Variants in ROBO1 observed in about 807,000 individuals in gnomAD.
The protein encoded by ROBO1 is roundabout guidance receptor 1, also known as roundabout homolog 1.
In ROBO1, 149 loss-of-function variants were observed where a neutral mutation model predicts 195.9. The observed-to-expected ratio is 0.76, with a 90% CI of 0.67 to 0.87. ROBO1 has a LOEUF of 0.87. Among genes scored for constraint, ROBO1 ranks in the 40% least tolerant of loss-of-function variants. The probability of loss-of-function intolerance (pLI) is 0.00; values close to 1 mark genes in which losing one functional copy is unlikely to be tolerated. For missense variants in ROBO1, 1,933 were observed against 2,068.3 expected (o/e 0.93, Z 1.27); for synonymous variants, 816 against 733.2 (o/e 1.11, Z -1.82).
At chr3:78,788,364 C>T (rs1162535722) in intron 4 of ROBO1, among the ~76,000 whole-genome samples, 5 of 149,290 alleles carry the variant, frequency 3.3e-5, no homozygotes, top group East Asian at 2.0e-4. Flanking sequence ...GTGATCCACC[C>T]GCCTCGGCCT....
intron 1 of ROBO1, among the ~76,000 whole-genome samples, chr3:79,667,445 A>G (rs1265505701): frequency 6.6e-6 from 1 of 151,750 alleles, no homozygotes; most frequent in African/African-American, 2.4e-5. Flanking sequence ...GGTCTTTGTG[A>G]TATTGTGTAA....
At chr3:78,770,265 T>C (rs2083338696) in intron 4 of ROBO1, among the ~76,000 whole-genome samples, 1 of 152,198 alleles carries the variant, frequency 6.6e-6, no homozygotes, top group South Asian at 2.1e-4. Flanking sequence ...GTATTTCCTA[T>C]TCTCTGCAAT....
intron 4 of ROBO1, among the ~76,000 whole-genome samples, chr3:78,866,153 T>C (rs192537506): frequency 1.3e-5 from 2 of 152,334 alleles, no homozygotes; most frequent in East Asian, 3.9e-4. Context: ...TGTATACTTG[T>C]AATTGTCAGT....
intron 18 of ROBO1, among the ~76,000 whole-genome samples, chr3:78,652,871 C>T (rs1295230221): frequency 6.6e-6 from 1 of 151,430 alleles, no homozygotes; most frequent in African/African-American, 2.4e-5. Flanking sequence ...AAGGGGCCTG[C>T]AAAGTTGCTG....
intron 1 of ROBO1, among the ~76,000 whole-genome samples, chr3:79,630,971 G>A (rs1336614688): frequency 6.6e-6 from 1 of 151,658 alleles, no homozygotes; most frequent in Non-Finnish European, 1.5e-5. Flanking sequence ...GAAAGACATT[G>A]GGATGACAAA....
chr3:79,613,703 C>T (rs538059608), intron 1 of ROBO1, among the ~76,000 whole-genome samples: 2 of 152,116 alleles, frequency 1.3e-5, no homozygotes, highest in African/African-American at 4.8e-5. Flanking sequence ...ATATGAAAGT[C>T]CCAGAGAGGG....
intron 4 of ROBO1, among the ~76,000 whole-genome samples, chr3:78,822,689 C>A (rs1011672007): frequency 2.0e-5 from 3 of 151,416 alleles, no homozygotes; most frequent in African/African-American, 7.4e-5. Flanking sequence ...ATTATTTCTG[C>A]CTTCCTCATT....
intron 5 of ROBO1, among the ~76,000 whole-genome samples, chr3:78,738,945 A>AT (rs1424588503): frequency 6.6e-6 from 1 of 152,130 alleles, no homozygotes; most frequent in African/African-American, 2.4e-5. Context: ...CATCTAAATT[A>AT]TTTTTTCAAT....
At chr3:79,106,554 G>C (rs2079784517) in intron 3 of ROBO1, among the ~76,000 whole-genome samples, 1 of 151,536 alleles carries the variant, frequency 6.6e-6, no homozygotes, top group Non-Finnish European at 1.5e-5. Context: ...ACAATTGACT[G>C]TGCTTAGTGC....
At chr3:79,592,261 T>C (rs894743501) in intron 1 of ROBO1, among the ~76,000 whole-genome samples, 1 of 151,918 alleles carries the variant, frequency 6.6e-6, no homozygotes, top group Non-Finnish European at 1.5e-5. Flanking sequence ...AACCTGAAAG[T>C]AGAAACACTT....
At chr3:79,046,531 C>T (rs554300558) in intron 3 of ROBO1, among the ~76,000 whole-genome samples, 1 of 152,214 alleles carries the variant, frequency 6.6e-6, no homozygotes, top group East Asian at 1.9e-4. Context: ...AATAGGCTGT[C>T]TGCAAGCTGA....
intron 2 of ROBO1, among the ~76,000 whole-genome samples, chr3:79,317,532 AT>A (rs942726382): frequency 8.5e-5 from 13 of 152,284 alleles, no homozygotes; most frequent in Admixed American, 1.3e-4. Flanking sequence ...ATGAAAAAAA[AT>A]ATTTTTTATT....
At chr3:79,522,274 A>G in intron 2 of ROBO1, among the ~76,000 whole-genome samples, 1 of 149,736 alleles carries the variant, frequency 6.7e-6, no homozygotes, top group Non-Finnish European at 1.5e-5. Context: ...ATAGTCCCCT[A>G]TTATTATCTA....
At chr3:79,072,788 T>C (rs910509952) in intron 3 of ROBO1, among the ~76,000 whole-genome samples, 1 of 152,016 alleles carries the variant, frequency 6.6e-6, no homozygotes, top group Non-Finnish European at 1.5e-5. Flanking sequence ...TGAATTATAT[T>C]GCTCATCTTG....
At chr3:79,368,117 G>T (rs933679277) in intron 2 of ROBO1, among the ~76,000 whole-genome samples, 2 of 152,000 alleles carry the variant, frequency 1.3e-5, no homozygotes, top group African/African-American at 4.8e-5. Context: ...AATTATAGTA[G>T]AGACAGGATT....
chr3:79,599,183 A>AC (rs1944267895), intron 1 of ROBO1, among the ~76,000 whole-genome samples: 2 of 152,072 alleles, frequency 1.3e-5, no homozygotes, highest in Non-Finnish European at 2.9e-5. Flanking sequence ...CCTGCATGTG[A>AC]AGTATTCAAA....
At chr3:79,109,766 G>T (rs1188386433) in intron 3 of ROBO1, among the ~76,000 whole-genome samples, 2 of 151,948 alleles carry the variant, frequency 1.3e-5, no homozygotes, top group Non-Finnish European at 2.9e-5. Context: ...TGATTTTGGG[G>T]GAATAAAAAG....
chr3:79,533,900 T>G (rs1941753253), intron 2 of ROBO1, among the ~76,000 whole-genome samples: 1 of 152,056 alleles, frequency 6.6e-6, no homozygotes, highest in Non-Finnish European at 1.5e-5. Context: ...AGATATTTCC[T>G]TACAGGGCAG....
At chr3:79,580,491 A>G (rs1295175858) in intron 2 of ROBO1, among the ~76,000 whole-genome samples, 1 of 152,080 alleles carries the variant, frequency 6.6e-6, no homozygotes, top group Non-Finnish European at 1.5e-5. Flanking sequence ...CAATAAATAA[A>G]TAAATAAACA....
Sources: gnomAD v4.1 joint callset for allele counts (sites outside exome capture counted in the v4.1 genomes callset) on GRCh38, gnomAD v4.1.1 for gene constraint, MANE v1.5 for transcripts, NCBI Gene and HGNC (gene_info 2026-07-23, HGNC 2026-07-21) for gene names.